AFF3: variants seen among roughly 807,000 people sequenced by gnomAD.
AFF3 encodes the protein AF4/FMR2 family member 3.
Under a neutral mutation model 129.7 loss-of-function variants are expected in AFF3, and 32 were observed. That is an observed-to-expected ratio of 0.25 (90% confidence interval 0.19 to 0.33). The LOEUF is 0.33. AFF3 is among the 10% of genes least tolerant of loss of function. The pLI, the probability that AFF3 is intolerant of heterozygous loss-of-function variation, is 1.00. For synonymous variants in AFF3, 644 were observed against 635.4 expected, an observed-to-expected ratio of 1.01 and a Z score of -0.20; for missense variants, 1,373 against 1,592.0, an observed-to-expected ratio of 0.86 and a Z score of 2.34.
chr2:99,657,515 A>C (rs1322757008), intron 12 of AFF3, among the ~76,000 whole-genome samples: 1 of 152,206 alleles, frequency 6.6e-6, no homozygotes, highest in African/African-American at 2.4e-5. Flanking sequence ...GCTCTCTCTC[A>C]ACCCATAACA....
intron 12 of AFF3, among the ~76,000 whole-genome samples, chr2:99,655,544 C>A (rs558203910): frequency 6.6e-6 from 1 of 152,056 alleles, no homozygotes; most frequent in Admixed American, 6.6e-5. Flanking sequence ...CACTGTGCTG[C>A]GGTTCGGCAA....
intron 11 of AFF3, among the ~76,000 whole-genome samples, chr2:99,683,260 C>T (rs563365349): frequency 6.6e-4 from 101 of 152,226 alleles, no homozygotes; most frequent in African/African-American, 2.4e-3. Flanking sequence ...CTTCTGTTTC[C>T]TCATCTGTAA....
intron 8 of AFF3, among the ~76,000 whole-genome samples, chr2:99,827,277 A>G (rs1688161392): frequency 6.6e-6 from 1 of 152,170 alleles, no homozygotes; most frequent in Non-Finnish European, 1.5e-5. Context: ...TGGGACCCTG[A>G]GGAACACCAA....
At chr2:99,966,081 A>G (rs1677716984) in intron 7 of AFF3, among the ~76,000 whole-genome samples, 1 of 152,188 alleles carries the variant, frequency 6.6e-6, no homozygotes. Flanking sequence ...ATTTTCTTCC[A>G]ATACCAGATT....
intron 8 of AFF3, among the ~76,000 whole-genome samples, chr2:99,768,603 C>T (rs116099171): frequency 0.015 from 2,264 of 152,290 alleles, 34 homozygotes; most frequent in Middle Eastern, 0.054. Flanking sequence ...TTTATGCCTT[C>T]AGTTGATTTC....
chr2:99,815,383 T>C lies in AFF3; in HGVS notation c.921+22094A>G, dbSNP rs1185566726. ...TCCATCTTCCCAAACTGAAACTCCA[T>C]ACTCATTAAACAATATGTAATGATT... On this transcript the variant is annotated intron_variant, in intron 8 of 24. Coordinates refer to ENST00000672756, the MANE Select transcript of AFF3 (RefSeq NM_001386135.1). 2.6e-5 allele frequency among the ~76,000 whole-genome samples: 4 copies of C among 152,244 alleles called. No homozygotes were observed. The East Asian group carries it at 5.8e-4, about 22-fold the overall frequency.
At chr2:99,671,803 T>C (rs1349598848) in intron 12 of AFF3, among the ~76,000 whole-genome samples, 3 of 152,164 alleles carry the variant, frequency 2.0e-5, no homozygotes, top group Non-Finnish European at 4.4e-5. Context: ...AAAATCTGTC[T>C]TTAGTGTTTT....
At chr2:99,801,873 T>G (rs1273728472) in intron 8 of AFF3, among the ~76,000 whole-genome samples, 2 of 152,204 alleles carry the variant, frequency 1.3e-5, no homozygotes, top group Non-Finnish European at 2.9e-5. Flanking sequence ...TTATTTTCTG[T>G]AAGTCAATCC....
chr2:99,695,826 T>C (rs1412522933), intron 11 of AFF3, among the ~76,000 whole-genome samples: 5 of 150,110 alleles, frequency 3.3e-5, no homozygotes, highest in African/African-American at 1.2e-4. Flanking sequence ...ATTGAGGTGA[T>C]GAAGAGACTG....
intron 7 of AFF3, among the ~76,000 whole-genome samples, chr2:100,005,108 C>T (rs568927517): frequency 1.3e-5 from 2 of 152,284 alleles, no homozygotes; most frequent in Admixed American, 1.3e-4. Flanking sequence ...AGACACCATA[C>T]ACAGCATGTT....
intron 14 of AFF3, among the ~76,000 whole-genome samples, chr2:99,597,594 T>TC (rs1261449680): frequency 6.6e-6 from 1 of 152,130 alleles, no homozygotes; most frequent in Middle Eastern, 3.2e-3. Flanking sequence ...ATCATCATTT[T>TC]CCCCCCGACA....
intron 7 of AFF3, among the ~76,000 whole-genome samples, chr2:99,906,385 C>T (rs1481539578): frequency 1.3e-5 from 2 of 152,098 alleles, no homozygotes; most frequent in East Asian, 1.9e-4. Context: ...TGGGTGCTTT[C>T]GGACCTATGT....
chr2:99,888,915 T>C (rs1576283391), intron 7 of AFF3, among the ~76,000 whole-genome samples: 3 of 152,190 alleles, frequency 2.0e-5, no homozygotes, highest in African/African-American at 7.2e-5. Context: ...GTTTACATCA[T>C]TAAAGTAAGA....
At chr2:99,609,318 G>A (rs565675671) in intron 13 of AFF3, among the ~76,000 whole-genome samples, 1 of 151,898 alleles carries the variant, frequency 6.6e-6, no homozygotes, top group Admixed American at 6.6e-5. Context: ...ATGAGATTTT[G>A]GTGCACCCAT....
chr2:99,778,452 C>A (rs191125050), intron 8 of AFF3, among the ~76,000 whole-genome samples: 1 of 152,292 alleles, frequency 6.6e-6, no homozygotes, highest in African/African-American at 2.4e-5. Context: ...CATAAGCACA[C>A]CAGCAGGATG....
intron 4 of AFF3, among the ~76,000 whole-genome samples, chr2:100,036,753 T>C (rs564848530): frequency 6.9e-6 from 1 of 144,226 alleles, no homozygotes; most frequent in Non-Finnish European, 1.5e-5. Flanking sequence ...ATCAGAGAAA[T>C]ATGAGTTGGG....
intron 8 of AFF3, among the ~76,000 whole-genome samples, chr2:99,837,276 C>G (rs1045344498): frequency 6.6e-6 from 1 of 152,106 alleles, no homozygotes; most frequent in Non-Finnish European, 1.5e-5. Context: ...GTCACCTCAG[C>G]CTGTGCAGAG....
chr2:99,579,417 A>AAT lies in AFF3; in HGVS notation c.2794-967_2794-966insAT, dbSNP rs1559499295. Among the ~76,000 whole-genome samples the AAT allele has an allele frequency of 6.3e-4, 93 of 148,442 alleles. 1 individual carries two copies. The highest frequency in any genetic ancestry group is 2.0e-3 in the African/African-American group (79 of 40,262). On this transcript the variant is annotated intron_variant, in intron 17 of 24. Transcript: ENST00000672756. ...TGAAACTCCGTCTCAAAAAAAAAAA[A>AAT]AAATAAATAAATAAATTCTAGGCCA...
At chr2:99,761,327 A>G (rs2105269821) in intron 8 of AFF3, among the ~76,000 whole-genome samples, 1 of 152,164 alleles carries the variant, frequency 6.6e-6, no homozygotes, top group Non-Finnish European at 1.5e-5. Flanking sequence ...CGTTTTCTCT[A>G]TCCTCCATAT....
Sources: allele counts gnomAD v4.1 joint callset (sites outside exome capture counted in the v4.1 genomes callset), GRCh38; gene constraint gnomAD v4.1.1; transcripts MANE v1.5; gene names NCBI Gene and HGNC (gene_info 2026-07-23, HGNC 2026-07-21).